The following BCO1 variants were observed in gnomAD, a reference collection of about 807,000 sequenced individuals.
The protein encoded by BCO1 is beta-carotene oxygenase 1, also known as beta,beta-carotene 15,15'-dioxygenase.
A neutral mutation model predicts 56.3 loss-of-function variants in BCO1; 54 were observed. That is an observed-to-expected ratio of 0.96 (90% confidence interval 0.77 to 1.20). The LOEUF (loss-of-function observed/expected upper bound fraction) is 1.20, where lower values mean the gene tolerates loss of function less well. Among genes scored for constraint, BCO1 ranks in the 50% most tolerant of loss-of-function variants. The pLI is 0.00. For synonymous variants in BCO1, 318 were observed against 266.1 expected (o/e 1.20, Z -1.90); for missense variants, 801 against 690.9 (o/e 1.16, Z -1.79).
chr16:81,257,284 A>T (rs1051561347), intron 2 of BCO1, among the ~76,000 whole-genome samples: 9 of 151,804 alleles, frequency 5.9e-5, no homozygotes, highest in Non-Finnish European at 1.2e-4. Flanking sequence ...TTGTTTTTTG[A>T]GACGGGGTCT....
At chr16:81,258,618 G>A (rs1455133587) in intron 2 of BCO1, among the ~76,000 whole-genome samples, 1 of 152,228 alleles carries the variant, frequency 6.6e-6, no homozygotes, top group Non-Finnish European at 1.5e-5. Context: ...AGGGATGACT[G>A]ATTCTGGTCA....
chr16:81,245,830 C>CT (rs1413064418), intron 2 of BCO1, among the ~76,000 whole-genome samples: 1 of 144,066 alleles, frequency 6.9e-6, no homozygotes, highest in Admixed American at 7.1e-5. Context: ...CTTTCCTTGA[C>CT]TTGTGGCTCC....
chr16:81,255,262 G>A (rs1906059453), intron 2 of BCO1, among the ~76,000 whole-genome samples: 1 of 152,182 alleles, frequency 6.6e-6, no homozygotes, highest in South Asian at 2.1e-4. Context: ...AAGAGGGCCA[G>A]CTTTAGATGC....
At chr16:81,252,640 C>T (rs1162230966) in intron 2 of BCO1, among the ~76,000 whole-genome samples, 3 of 152,194 alleles carry the variant, frequency 2.0e-5, no homozygotes, top group Non-Finnish European at 4.4e-5. Flanking sequence ...GCAACAGTAA[C>T]CAGTGAAAGA....
chr16:81,262,147 A>G lies in BCO1; in HGVS notation c.335A>G (p.Tyr112Cys). Residue 112 changes from tyrosine to cysteine, a missense_variant, in exon 4 of 11, where the codon TAC (tyrosine) becomes TGC (cysteine). Tyr to Cys is a radical substitution (Grantham distance 194, BLOSUM62 -2). Coordinates refer to ENST00000258168, the MANE Select transcript of BCO1 (RefSeq NM_017429.3). Reference protein sequence around the residue: ...CKNIFSKAFSYLSHTIPDFTD... With the variant: ...CKNIFSKAFSCLSHTIPDFTD... ...GCTTTTCTCCCCAGAGCTTTCTCCTACTTGTCTCACACCATCCCCGATTTC... is the reference window on the plus strand; with the variant it reads ...GCTTTTCTCCCCAGAGCTTTCTCCTGCTTGTCTCACACCATCCCCGATTTC... 1.2e-6 allele frequency: 2 copies of G among 1,613,870 alleles called. No individual in the cohort carries two copies. Among genetic ancestry groups the G allele is most frequent in the Non-Finnish European group, 8.5e-7 (1 of 1,179,976 alleles).
rs79041607 is a variant in BCO1, at chr16:81,289,772, G to A, written c.1415-576G>A. On this transcript the variant is annotated intron_variant, in intron 10 of 10. Transcript: ENST00000258168. ...CCTGTGGAGTGTAGGTGAGATTATC[G>A]CATCTCTACAGATGAAGAGACTGAG... Among the ~76,000 whole-genome samples the A allele has an allele frequency of 2.0e-3, 312 of 152,302 alleles. 2 individuals are homozygous for A. Among genetic ancestry groups the A allele is most frequent in the African/African-American group, 7.2e-3 (301 of 41,550 alleles).
Position 81,290,350 on chromosome 16 carries a change from G to T in BCO1, c.1417G>T (p.Val473Leu). The T allele has an allele frequency of 6.2e-7, 1 of 1,612,938 alleles. No homozygotes were observed. The highest frequency in any genetic ancestry group is 8.5e-7 in the Non-Finnish European group (1 of 1,178,916). ...APGAKDEDDGVILSAIVSTDP... is the reference protein window; with the variant it reads ...APGAKDEDDGLILSAIVSTDP... ...GTTTTTTTTCTGTTTCCCTAAAGGA[G>T]TAATCTTATCAGCCATTGTCTCTAC... The change falls in exon 11 of 11, where the codon GTA becomes TTA. Residue 473 changes from valine to leucine, a missense_variant and splice_region_variant. Val to Leu is a conservative substitution (Grantham distance 32). Coordinates refer to ENST00000258168, the MANE Select transcript of BCO1 (RefSeq NM_017429.3).
chr16:81,279,375 C>T (rs1335511652), intron 7 of BCO1, among the ~76,000 whole-genome samples: 3 of 152,146 alleles, frequency 2.0e-5, no homozygotes, highest in Non-Finnish European at 4.4e-5. Context: ...TCTTGTTCCT[C>T]AATATCTTCC....
chr16:81,259,605 C>A (rs1597356315), intron 2 of BCO1, 71 bp from the exon 3 acceptor site: 1 of 1,603,544 alleles, frequency 6.2e-7, no homozygotes, highest in Non-Finnish European at 8.5e-7. Context: ...AAAACCCATA[C>A]AAGGACTGAC....
intron 1 of BCO1, among the ~76,000 whole-genome samples, chr16:81,244,245 G>A (rs895748347): frequency 6.6e-6 from 1 of 152,218 alleles, no homozygotes; most frequent in Non-Finnish European, 1.5e-5. Context: ...TGCCTCTAGA[G>A]CAGGGCTGTC....
At chr16:81,258,065 A>G (rs1906257210) in intron 2 of BCO1, among the ~76,000 whole-genome samples, 1 of 152,124 alleles carries the variant, frequency 6.6e-6, no homozygotes, top group East Asian at 1.9e-4. Context: ...AGCCATGACC[A>G]GGGAAGGCAG....
chr16:81,262,429 A>G, intron 4 of BCO1, 146 bp downstream of exon 4: 1 of 803,758 alleles, frequency 1.2e-6, no homozygotes, highest in Non-Finnish European at 2.1e-6. Context: ...CTAGCGCCAC[A>G]CTTACTGCTA....
chr16:81,271,112 ATTTTTTTT>A (rs778503897), intron 7 of BCO1, among the ~76,000 whole-genome samples: 2 of 111,150 alleles, frequency 1.8e-5, no homozygotes, highest in Non-Finnish European at 4.1e-5. Context: ...CCTTTTATTT[ATTTTTTTT>A]TTTATTTTTT....
chr16:81,285,410 C>G, intron 8 of BCO1, 130 bp from the exon 9 acceptor site: 1 of 735,816 alleles, frequency 1.4e-6, no homozygotes, highest in Non-Finnish European at 2.4e-6. Flanking sequence ...CCAATGCAGG[C>G]TCTAAATCAA....
At chr16:81,246,701 A>AT (rs1425240767) in intron 2 of BCO1, among the ~76,000 whole-genome samples, 2 of 152,162 alleles carry the variant, frequency 1.3e-5, no homozygotes, top group African/African-American at 4.8e-5. Flanking sequence ...AAATACAAAA[A>AT]TTAGCTGGTC....
At chr16:81,259,419 A>G (rs1263608450) in intron 2 of BCO1, among the ~76,000 whole-genome samples, 1 of 152,128 alleles carries the variant, frequency 6.6e-6, no homozygotes, top group Non-Finnish European at 1.5e-5. Flanking sequence ...ACTTGAACCC[A>G]GGAGGCGGAG....
chr16:81,270,000 T>C (rs547950142), intron 6 of BCO1, among the ~76,000 whole-genome samples, 159 bp from the exon 7 acceptor site: 47 of 152,312 alleles, frequency 3.1e-4, no homozygotes, highest in African/African-American at 1.1e-3. Context: ...TGGGGGGCAC[T>C]TTTGCCTGTC....
intron 4 of BCO1, chr16:81,262,596 G>C (rs573325329): frequency 2.7e-6 from 1 of 367,606 alleles, no homozygotes; most frequent in Non-Finnish European, 5.3e-6. Flanking sequence ...GGGAGGTCAA[G>C]GTGGGCAGAT....
intron 7 of BCO1, among the ~76,000 whole-genome samples, chr16:81,272,214 A>C (rs921884625): frequency 6.6e-6 from 1 of 150,438 alleles, no homozygotes; most frequent in Non-Finnish European, 1.5e-5. Context: ...CCCAGGTTCA[A>C]GCCATTCTCC....
Sources: allele counts gnomAD v4.1 joint callset (sites outside exome capture counted in the v4.1 genomes callset), GRCh38; gene constraint gnomAD v4.1.1; transcripts MANE v1.5; gene names NCBI Gene and HGNC (gene_info 2026-07-23, HGNC 2026-07-21).